The following PRUNE2 variants were observed in gnomAD, a reference collection of about 807,000 sequenced individuals.
PRUNE2 encodes protein prune homolog 2.
In PRUNE2, 164 loss-of-function variants were observed where a neutral mutation model predicts 252.0. The observed-to-expected ratio is 0.65, with a 90% CI of 0.57 to 0.74. PRUNE2 has a LOEUF of 0.74. Among genes scored for constraint, PRUNE2 ranks in the 30% least tolerant of loss-of-function variants. The probability of loss-of-function intolerance (pLI) is 0.00; values close to 1 mark genes in which losing one functional copy is unlikely to be tolerated. For synonymous variants in PRUNE2, 1,292 were observed against 1,350.2 expected, an observed-to-expected ratio of 0.96 and a Z score of 0.94; for missense variants, 3,495 against 3,711.0, an observed-to-expected ratio of 0.94 and a Z score of 1.51.
intron 6 of PRUNE2, among the ~76,000 whole-genome samples, chr9:76,811,579 A>G (rs1406771212): frequency 6.6e-6 from 1 of 152,190 alleles, no homozygotes; most frequent in Non-Finnish European, 1.5e-5. Context: ...TTGAGACCTC[A>G]TTTCCTTCAT....
intron 9 of PRUNE2, among the ~76,000 whole-genome samples, chr9:76,663,478 G>A (rs1163185500): frequency 1.3e-5 from 2 of 151,924 alleles, no homozygotes; most frequent in Non-Finnish European, 1.5e-5. Context: ...CAGAGGTGGG[G>A]GACACGACGC....
At chr9:76,699,460 GC>G (rs1219431912) in intron 9 of PRUNE2, among the ~76,000 whole-genome samples, 3 of 152,142 alleles carry the variant, frequency 2.0e-5, no homozygotes, top group African/African-American at 7.2e-5. Flanking sequence ...ATGTGAGGGG[GC>G]CTTCATCCAA....
intron 6 of PRUNE2, among the ~76,000 whole-genome samples, chr9:76,777,237 G>T (rs939499830): frequency 3.9e-5 from 6 of 152,206 alleles, no homozygotes; most frequent in Admixed American, 2.6e-4. Flanking sequence ...ATTCCACAAT[G>T]AAGTAGGAGA....
rs535946074 is a variant in PRUNE2 at position 76,746,135 on chromosome 9, T to A, written c.757-32414A>T. Among the ~76,000 whole-genome samples, 198 of 152,280 alleles carry A rather than the reference T, an allele frequency of 1.3e-3. 7 individuals carry two copies. The South Asian group carries it at 0.039, about 30-fold the overall frequency. ...TGAAGTATGTGTGGTCTTTGTCCCA[T>A]CTTCTGGCAAAAGCTCCTAAAACCC... On this transcript the variant is annotated intron_variant, in intron 6 of 18. Coordinates refer to ENST00000376718, the MANE Select transcript of PRUNE2 (RefSeq NM_015225.3).
At chr9:76,714,668 C>T (rs899239086) in intron 6 of PRUNE2, among the ~76,000 whole-genome samples, 2 of 152,196 alleles carry the variant, frequency 1.3e-5, no homozygotes, top group African/African-American at 2.4e-5. Context: ...AAGTGCTGGG[C>T]TTACAGGCGT....
Position 76,709,832 on chromosome 9 carries a change from AT to A in PRUNE2, c.2441del (p.Asn814IlefsTer43). 2 of 1,613,834 alleles carry A rather than the reference AT, an allele frequency of 1.2e-6. No homozygotes were observed. The highest frequency in any genetic ancestry group is 1.7e-6 in the Non-Finnish European group (2 of 1,179,826). On this transcript the variant is annotated frameshift_variant, in exon 8 of 19. Coordinates refer to ENST00000376718, the MANE Select transcript of PRUNE2 (RefSeq NM_015225.3). LOFTEE classifies it high-confidence loss of function. ...GKEDHDEALK[N>X]TWNLHPTSSK... Reference sequence around the variant, plus strand: ...TGCTTGTTGGGTGCAAATTCCAGGTATTTTTTAAAGCTTCATCATGATCTTC... The same window carrying A: ...TGCTTGTTGGGTGCAAATTCCAGGTATTTTTAAAGCTTCATCATGATCTTC...
At chr9:76,647,963 AAACAAC>A (rs924549153) in intron 11 of PRUNE2, among the ~76,000 whole-genome samples, 11 of 152,262 alleles carry the variant, frequency 7.2e-5, no homozygotes, top group Non-Finnish European at 1.6e-4. Context: ...TGTGTCTCAA[AAACAAC>A]AACAACAACA....
At chr9:76,874,938 T>C (rs1404102140) in intron 1 of PRUNE2, among the ~76,000 whole-genome samples, 1 of 152,240 alleles carries the variant, frequency 6.6e-6, no homozygotes, top group Non-Finnish European at 1.5e-5. Flanking sequence ...ACAATAATTT[T>C]ACTTGCATAC....
At chr9:76,806,375 T>C (rs1416006824) in intron 6 of PRUNE2, among the ~76,000 whole-genome samples, 2 of 152,220 alleles carry the variant, frequency 1.3e-5, no homozygotes, top group East Asian at 1.9e-4. Context: ...TACACTGTTA[T>C]GGTGTTACTG....
chr9:76,786,232 A>C (rs1262015912), intron 6 of PRUNE2: 5 of 152,048 alleles, frequency 3.3e-5, no homozygotes, highest in Admixed American at 3.3e-4. Flanking sequence ...CTTTGTGTTC[A>C]TGGATAGTCC....
intron 6 of PRUNE2, among the ~76,000 whole-genome samples, chr9:76,797,197 C>A (rs961771511): frequency 1.2e-4 from 18 of 151,810 alleles, no homozygotes; most frequent in African/African-American, 4.4e-4. Flanking sequence ...ATTATCAGGT[C>A]AGAAAGAATG....
intron 4 of PRUNE2, among the ~76,000 whole-genome samples, chr9:76,843,622 C>G (rs564380033): frequency 6.6e-6 from 1 of 151,700 alleles, no homozygotes; most frequent in African/African-American, 2.4e-5. Flanking sequence ...TTTATAGGAA[C>G]AGAGAAAACA....
At chr9:76,744,955 A>G (rs896587743) in intron 6 of PRUNE2, among the ~76,000 whole-genome samples, 3 of 152,188 alleles carry the variant, frequency 2.0e-5, no homozygotes, top group African/African-American at 7.2e-5. Flanking sequence ...GTTCTCTAGG[A>G]GAAGGCCCAA....
chr9:76,877,152 A>C (rs1198848252), intron 1 of PRUNE2, among the ~76,000 whole-genome samples: 1 of 152,096 alleles, frequency 6.6e-6, no homozygotes, highest in African/African-American at 2.4e-5. Context: ...ATGGGTATAG[A>C]AGAGGTATCC....
chr9:76,852,814 ATCTATCTATCTATCT>A (rs1449217923), intron 2 of PRUNE2, among the ~76,000 whole-genome samples: 2 of 38,370 alleles, frequency 5.2e-5, no homozygotes, highest in African/African-American at 3.2e-4. Context: ...CTGTCTATCT[ATCTATCTATCTATCT>A]ATCTATCTAT....
At chr9:76,757,728 G>C (rs1025009001) in intron 6 of PRUNE2, among the ~76,000 whole-genome samples, 1 of 150,502 alleles carries the variant, frequency 6.6e-6, no homozygotes, top group Admixed American at 6.6e-5. Context: ...TTGGGAAGCA[G>C]AGGCAGGGAA....
Position 76,709,818 on chromosome 9 carries a change from T to C in PRUNE2, c.2456A>G (p.His819Arg). ...DEALKNTWNL[H>R]PTSSKTPSVR... is the part of the protein sequence containing the mutation. Reference sequence around the variant, plus strand: ...AGAAGGTGTCTTGCTGCTTGTTGGGTGCAAATTCCAGGTATTTTTTAAAGC... The same window carrying C: ...AGAAGGTGTCTTGCTGCTTGTTGGGCGCAAATTCCAGGTATTTTTTAAAGC... Residue 819 changes from histidine to arginine, a missense_variant, in exon 8 of 19, where the codon CAC becomes CGC. Physicochemically the swap from His to Arg is conservative, Grantham distance 29 (BLOSUM62 0). Transcript: ENST00000376718. 1.2e-6 allele frequency: 2 copies of C among 1,613,842 alleles called. No homozygotes were observed. The highest frequency in any genetic ancestry group is 1.7e-6 in the Non-Finnish European group (2 of 1,179,830).
intron 7 of PRUNE2, among the ~76,000 whole-genome samples, chr9:76,712,513 GA>G (rs1288749749): frequency 4.6e-5 from 7 of 152,170 alleles, no homozygotes; most frequent in Non-Finnish European, 1.0e-4. Flanking sequence ...AAGAGAGGAG[GA>G]CTGGGGTCAA....
chr9:76,844,171 A>G (rs1441755564), intron 4 of PRUNE2, among the ~76,000 whole-genome samples: 3 of 152,172 alleles, frequency 2.0e-5, no homozygotes, highest in African/African-American at 7.2e-5. Context: ...TAGTTCCGTG[A>G]TATGGTTTGG....
Sources: gnomAD v4.1 joint callset for allele counts (sites outside exome capture counted in the v4.1 genomes callset) on GRCh38, gnomAD v4.1.1 for gene constraint, MANE v1.5 for transcripts, NCBI Gene and HGNC (gene_info 2026-07-23, HGNC 2026-07-21) for gene names.